PPM1H: variants seen among roughly 807,000 people sequenced by gnomAD.
PPM1H encodes protein phosphatase 1H.
A neutral mutation model predicts 54.9 loss-of-function variants in PPM1H; 27 were observed. That is an observed-to-expected ratio of 0.49 (90% CI 0.36 to 0.68). The LOEUF is 0.68. Among genes scored for constraint, PPM1H ranks in the 30% least tolerant of loss-of-function variants. The pLI is 0.00. For synonymous variants in PPM1H, 305 were observed against 270.8 expected (o/e 1.13, Z -1.24); for missense variants, 596 against 667.8 (o/e 0.89, Z 1.19).
chr12:62,892,043 A>G (rs1396867265), intron 1 of PPM1H, among the ~76,000 whole-genome samples: 1 of 152,240 alleles, frequency 6.6e-6, no homozygotes, highest in African/African-American at 2.4e-5. Context: ...CCAATTGTGC[A>G]AAGTATCACA....
chr12:62,804,642 T>C (rs1306324835), intron 2 of PPM1H, among the ~76,000 whole-genome samples: 1 of 151,914 alleles, frequency 6.6e-6, no homozygotes, highest in African/African-American at 2.4e-5. Flanking sequence ...TTTCATTTTT[T>C]TAATGCTTCA....
chr12:62,807,764 T>A (rs946297480), intron 2 of PPM1H, among the ~76,000 whole-genome samples: 1 of 152,170 alleles, frequency 6.6e-6, no homozygotes, highest in Admixed American at 6.5e-5. Flanking sequence ...GTGCTTAGAG[T>A]TCAGCTCAGC....
chr12:62,776,558 C>T (rs895597633), intron 4 of PPM1H, among the ~76,000 whole-genome samples: 1 of 152,222 alleles, frequency 6.6e-6, no homozygotes, highest in Non-Finnish European at 1.5e-5. Context: ...CTGAACCATA[C>T]TTGTGCTTTA....
At chr12:62,811,388 G>C (rs1201812845) in intron 2 of PPM1H, among the ~76,000 whole-genome samples, 1 of 152,186 alleles carries the variant, frequency 6.6e-6, no homozygotes, top group Non-Finnish European at 1.5e-5. Flanking sequence ...CACTGAGCAG[G>C]TGGGGAGACC....
Position 62,809,429 on chromosome 12 carries a change from G to A in PPM1H, c.412-7269C>T, listed in dbSNP as rs181334891. ...CCTCAAAATGATGCCATCAACTGCC[G>A]TAAGATAGGCAGGATGGTTTGATGC... is the stretch of plus-strand genomic sequence containing the variant. On this transcript the variant is annotated intron_variant, in intron 2 of 9. Coordinates refer to ENST00000228705, the MANE Select transcript of PPM1H (RefSeq NM_020700.2). Among the ~76,000 whole-genome samples, 71 of 152,270 alleles carry A rather than the reference G, an allele frequency of 4.7e-4. 2 individuals are homozygous for A. Among genetic ancestry groups the A allele is most frequent in the Admixed American group, 3.7e-3 (57 of 15,290 alleles).
chr12:62,730,483 G>C (rs1444808068), intron 5 of PPM1H, among the ~76,000 whole-genome samples: 1 of 152,120 alleles, frequency 6.6e-6, no homozygotes, highest in Non-Finnish European at 1.5e-5. Context: ...TGTTAAATAA[G>C]ATAAATGAGA....
intron 1 of PPM1H, among the ~76,000 whole-genome samples, chr12:62,835,275 G>A (rs141189605): frequency 1.1e-3 from 165 of 152,290 alleles, no homozygotes; most frequent in African/African-American, 3.7e-3. Flanking sequence ...AAACTCCAAA[G>A]TTGACCTAAC....
At chr12:62,901,515 G>T (rs1871162751) in intron 1 of PPM1H, among the ~76,000 whole-genome samples, 1 of 152,182 alleles carries the variant, frequency 6.6e-6, no homozygotes, top group African/African-American at 2.4e-5. Context: ...TGCTGAGGGG[G>T]ACTGTCAATA....
At chr12:62,724,411 T>A (rs1383310900) in intron 5 of PPM1H, among the ~76,000 whole-genome samples, 1 of 152,196 alleles carries the variant, frequency 6.6e-6, no homozygotes, top group African/African-American at 2.4e-5. Context: ...CCAGGGACCC[T>A]TGGGCTCTTT....
intron 1 of PPM1H, among the ~76,000 whole-genome samples, chr12:62,842,027 T>C (rs778834565): frequency 6.6e-6 from 1 of 152,148 alleles, no homozygotes; most frequent in Non-Finnish European, 1.5e-5. Flanking sequence ...CTTATTTAAA[T>C]AAGGAAGTCT....
intron 1 of PPM1H, among the ~76,000 whole-genome samples, chr12:62,897,785 A>G (rs558923379): frequency 3.3e-5 from 5 of 152,192 alleles, no homozygotes; most frequent in African/African-American, 1.2e-4. Context: ...CTTGCCAACT[A>G]ACTATGGGAA....
intron 4 of PPM1H, among the ~76,000 whole-genome samples, chr12:62,749,127 A>G (rs2076427510): frequency 6.6e-6 from 1 of 152,182 alleles, no homozygotes; most frequent in Non-Finnish European, 1.5e-5. Flanking sequence ...ATCACAGACA[A>G]GGAACCTACT....
intron 5 of PPM1H, among the ~76,000 whole-genome samples, chr12:62,721,362 G>A (rs967022332): frequency 6.6e-6 from 1 of 152,190 alleles, no homozygotes; most frequent in East Asian, 1.9e-4. Context: ...GGTCATATTT[G>A]CCCAGATATG....
chr12:62,750,628 T>A (rs535540138), intron 4 of PPM1H, among the ~76,000 whole-genome samples: 2 of 152,354 alleles, frequency 1.3e-5, no homozygotes, highest in South Asian at 4.1e-4. Flanking sequence ...CTTGGGCATA[T>A]ACCCAGGAGT....
At chr12:62,691,317 G>A (rs894152495) in intron 7 of PPM1H, among the ~76,000 whole-genome samples, 2 of 152,124 alleles carry the variant, frequency 1.3e-5, no homozygotes, top group African/African-American at 4.8e-5. Flanking sequence ...CTATTACCTG[G>A]GTGATAAGAG....
chr12:62,806,006 A>AAG (rs1241868422), intron 2 of PPM1H, among the ~76,000 whole-genome samples: 1 of 152,240 alleles, frequency 6.6e-6, no homozygotes, highest in Non-Finnish European at 1.5e-5. Flanking sequence ...GAGAAATAAA[A>AAG]CATTACATTT....
intron 3 of PPM1H, among the ~76,000 whole-genome samples, chr12:62,793,457 G>C (rs2076711591): frequency 6.6e-6 from 1 of 152,138 alleles, no homozygotes; most frequent in Non-Finnish European, 1.5e-5. Context: ...GGGCGCGGTG[G>C]CTCACGCCTG....
chr12:62,866,869 CG>C (rs1471570706), intron 1 of PPM1H, among the ~76,000 whole-genome samples: 1 of 152,026 alleles, frequency 6.6e-6, no homozygotes, highest in East Asian at 1.9e-4. Context: ...GAGTCCATGA[CG>C]CTCATCCCTA....
intron 2 of PPM1H, among the ~76,000 whole-genome samples, chr12:62,804,184 G>T (rs920703655): frequency 6.6e-6 from 1 of 151,974 alleles, no homozygotes; most frequent in Admixed American, 6.6e-5. Flanking sequence ...AAAAGAAAAG[G>T]CCTAAAGATT....
Sources: gnomAD v4.1 joint callset for allele counts (sites outside exome capture counted in the v4.1 genomes callset) on GRCh38, gnomAD v4.1.1 for gene constraint, MANE v1.5 for transcripts, NCBI Gene and HGNC (gene_info 2026-07-23, HGNC 2026-07-21) for gene names.